Variants in DOCK4 observed in about 807,000 individuals in gnomAD.
DOCK4 encodes dedicator of cytokinesis 4, also known as dedicator of cytokinesis protein 4.
In DOCK4, 97 loss-of-function variants were observed where a neutral mutation model predicts 268.1. The ratio of observed to expected loss-of-function variants is 0.36; its 90% CI spans 0.31 to 0.43. DOCK4 has a LOEUF of 0.43. DOCK4 is among the 20% of genes least tolerant of loss of function. The pLI is 1.00. For missense variants in DOCK4, 2,145 were observed against 2,455.7 expected (o/e 0.87, Z 2.67); for synonymous variants, 954 against 887.2 (o/e 1.08, Z -1.34).
At chr7:111,932,118 G>GTA (rs945129908) in intron 12 of DOCK4, among the ~76,000 whole-genome samples, 2 of 152,154 alleles carry the variant, frequency 1.3e-5, no homozygotes, top group South Asian at 2.1e-4. Context: ...AGGCAATTGG[G>GTA]TATGACCTCA....
chr7:111,955,514 C>T (rs1366896407), intron 8 of DOCK4, among the ~76,000 whole-genome samples: 1 of 152,158 alleles, frequency 6.6e-6, no homozygotes, highest in Admixed American at 6.5e-5. Flanking sequence ...ATAGCCAATT[C>T]CATTGCCAAT....
chr7:111,984,970 G>T (rs930666404), intron 6 of DOCK4, among the ~76,000 whole-genome samples: 3 of 152,194 alleles, frequency 2.0e-5, no homozygotes, highest in Non-Finnish European at 4.4e-5. Flanking sequence ...TTGGGCCTGG[G>T]CTGGCAGAAT....
chr7:111,814,026 T>C (rs1361261747), intron 27 of DOCK4, among the ~76,000 whole-genome samples: 1 of 152,208 alleles, frequency 6.6e-6, no homozygotes, highest in Non-Finnish European at 1.5e-5. Flanking sequence ...GGGGTTTACA[T>C]TAAAAATCAC....
chr7:111,778,249 C>T, intron 36 of DOCK4, 27 bp downstream of exon 36: 3 of 1,532,572 alleles, frequency 2.0e-6, no homozygotes, highest in Non-Finnish European at 2.7e-6. Flanking sequence ...AGCTCCCTTC[C>T]CAATCTGAGC....
intron 52 of DOCK4, among the ~76,000 whole-genome samples, chr7:111,729,361 C>T (rs779754882): frequency 3.3e-4 from 50 of 152,154 alleles, no homozygotes; most frequent in Middle Eastern, 3.4e-3. Context: ...AGCTTGAGAC[C>T]AGCCTGGGCA....
At chr7:112,021,010 G>A (rs1353471217) in intron 1 of DOCK4, among the ~76,000 whole-genome samples, 1 of 152,202 alleles carries the variant, frequency 6.6e-6, no homozygotes, top group Non-Finnish European at 1.5e-5. Flanking sequence ...CTGGAACGAA[G>A]GTGGAGGCCA....
At chr7:111,824,135 A>G (rs1255116244) in intron 26 of DOCK4, among the ~76,000 whole-genome samples, 1 of 152,104 alleles carries the variant, frequency 6.6e-6, no homozygotes, top group Non-Finnish European at 1.5e-5. Context: ...TGCCAAATGT[A>G]TTTCACTGTA....
At chr7:112,126,269 CTATTTATTTATTTATCA>C (rs1158170447) in intron 1 of DOCK4, among the ~76,000 whole-genome samples, 1 of 152,156 alleles carries the variant, frequency 6.6e-6, no homozygotes, top group Non-Finnish European at 1.5e-5. Flanking sequence ...AAGAATCATG[CTATTTATTTATTTATCA>C]TGCTTAGTCC....
chr7:111,808,185 T>C (rs1800817689), intron 30 of DOCK4: 1 of 152,154 alleles, frequency 6.6e-6, no homozygotes, highest in Non-Finnish European at 1.5e-5. Flanking sequence ...AACTTATAAA[T>C]CTCTAGAAAG....
At chr7:111,830,583 C>T (rs1436389015) in intron 26 of DOCK4, among the ~76,000 whole-genome samples, 1 of 152,090 alleles carries the variant, frequency 6.6e-6, no homozygotes, top group Non-Finnish European at 1.5e-5. Flanking sequence ...ATAATTCTGT[C>T]CCTTCCTGCT....
intron 1 of DOCK4, among the ~76,000 whole-genome samples, chr7:112,021,591 C>G (rs1210345089): frequency 6.6e-6 from 1 of 152,202 alleles, no homozygotes; most frequent in Non-Finnish European, 1.5e-5. Context: ...CCAGCCGAAG[C>G]ACAGTATTTC....
chr7:111,996,607 A>G (rs1309990310), intron 4 of DOCK4, among the ~76,000 whole-genome samples: 3 of 152,158 alleles, frequency 2.0e-5, no homozygotes, highest in Non-Finnish European at 4.4e-5. Context: ...GTCAATTCCA[A>G]TAAGTCTTTT....
intron 1 of DOCK4, among the ~76,000 whole-genome samples, chr7:112,186,987 C>CT (rs960352959): frequency 9.3e-5 from 14 of 151,126 alleles, no homozygotes; most frequent in Non-Finnish European, 1.3e-4. Context: ...TTTTGTTTCT[C>CT]TTTTTTTTTA....
chr7:112,036,619 C>T (rs1178296888), intron 1 of DOCK4, among the ~76,000 whole-genome samples: 2 of 150,656 alleles, frequency 1.3e-5, no homozygotes, highest in Admixed American at 1.3e-4. Flanking sequence ...AATATATATA[C>T]AGACAATTCC....
chr7:111,993,954 T>C (rs1195504899), intron 5 of DOCK4, among the ~76,000 whole-genome samples, 181 bp downstream of exon 5: 1 of 152,186 alleles, frequency 6.6e-6, no homozygotes, highest in African/African-American at 2.4e-5. Flanking sequence ...AAAAATAACT[T>C]ACAAAACCCA....
At chr7:111,869,096 T>C (rs546024706) in intron 21 of DOCK4, among the ~76,000 whole-genome samples, 39 of 152,302 alleles carry the variant, frequency 2.6e-4, no homozygotes, top group Admixed American at 6.5e-4. Context: ...ACTGAGCATA[T>C]GGTGCCCAGC....
At chr7:111,788,552 G>T in intron 32 of DOCK4, 110 bp downstream of exon 32, 1 of 846,540 alleles carries the variant, frequency 1.2e-6, no homozygotes, top group Non-Finnish European at 2.0e-6. Context: ...AAGCCCTCCT[G>T]TGAGACCTAA....
At chr7:111,944,594 T>C (rs771793334) in intron 10 of DOCK4, among the ~76,000 whole-genome samples, 2 of 152,174 alleles carry the variant, frequency 1.3e-5, no homozygotes, top group Admixed American at 6.5e-5. Context: ...ATTACTTATA[T>C]TAAAAGAGAC....
intron 1 of DOCK4, among the ~76,000 whole-genome samples, chr7:112,118,308 T>G (rs954014995): frequency 1.2e-4 from 19 of 152,142 alleles, no homozygotes; most frequent in African/African-American, 4.1e-4. Context: ...AGAGAATTTA[T>G]AGGAATCACT....
Sources: gnomAD v4.1 joint callset for allele counts (sites outside exome capture counted in the v4.1 genomes callset) on GRCh38, gnomAD v4.1.1 for gene constraint, MANE v1.5 for transcripts, NCBI Gene and HGNC (gene_info 2026-07-23, HGNC 2026-07-21) for gene names.